The following MCF2L2 variants were observed in gnomAD, a reference collection of about 807,000 sequenced individuals.
MCF2L2 encodes the protein MCF.2 cell line derived transforming sequence-like 2.
In MCF2L2, 102 loss-of-function variants were observed where a neutral mutation model predicts 150.2. The ratio of observed to expected loss-of-function variants is 0.68; its 90% CI spans 0.58 to 0.80. The LOEUF (loss-of-function observed/expected upper bound fraction) is 0.80, where lower values mean the gene tolerates loss of function less well. MCF2L2 is among the 30% of genes least tolerant of loss of function. MCF2L2 has a pLI of 0.00. For missense variants in MCF2L2, 1,256 were observed against 1,372.8 expected (o/e 0.91, Z 1.34); for synonymous variants, 465 against 491.3 (o/e 0.95, Z 0.71).
At chr3:183,269,999 C>T (rs763720390) in intron 15 of MCF2L2, 11 of 1,613,962 alleles carry the variant, frequency 6.8e-6, no homozygotes, top group Non-Finnish European at 7.6e-6. Flanking sequence ...TTAAGCACAC[C>T]TCAGCGGGGC....
At chr3:183,369,441 G>A (rs917188142) in intron 3 of MCF2L2, among the ~76,000 whole-genome samples, 1 of 152,116 alleles carries the variant, frequency 6.6e-6, no homozygotes, top group Non-Finnish European at 1.5e-5. Flanking sequence ...ACATCAGAGG[G>A]CCAAATATTC....
chr3:183,219,436 C>G (rs1336507127), intron 21 of MCF2L2, among the ~76,000 whole-genome samples: 1 of 152,076 alleles, frequency 6.6e-6, no homozygotes, highest in African/African-American at 2.4e-5. Context: ...CATGGCGAAA[C>G]CCCGTCTCTA....
intron 1 of MCF2L2, among the ~76,000 whole-genome samples, chr3:183,399,840 T>G (rs1307366646): frequency 2.6e-5 from 4 of 152,188 alleles, no homozygotes; most frequent in Non-Finnish European, 4.4e-5. Context: ...ACAATCTGAT[T>G]CTCAAATGAA....
chr3:183,404,321 G>C (rs1043520844), intron 1 of MCF2L2, among the ~76,000 whole-genome samples: 12 of 152,118 alleles, frequency 7.9e-5, no homozygotes, highest in Non-Finnish European at 1.8e-4. Context: ...GGCATCACCA[G>C]AAGGCTAATA....
intron 10 of MCF2L2, among the ~76,000 whole-genome samples, chr3:183,301,393 A>G (rs1728839697): frequency 1.3e-5 from 2 of 152,140 alleles, no homozygotes; most frequent in African/African-American, 4.8e-5. Flanking sequence ...GAAAAATTAG[A>G]TGGTGGGGAG....
rs550775544 is a variant in MCF2L2, at chr3:183,353,346, C to T, written c.276-11716G>A. The stretch of plus-strand genomic sequence containing the variant: ...CCGTGCTTTAATAATGAAGGAATCC[C>T]CTTCCACATCCCTGCAAGATGCCCA... On this transcript the variant is annotated intron_variant, in intron 3 of 29. Transcript: ENST00000328913. Among the ~76,000 whole-genome samples the T allele has an allele frequency of 7.2e-5, 11 of 152,252 alleles. No homozygotes were observed. In the South Asian group the frequency reaches 2.1e-3, roughly 29 times the overall value.
intron 1 of MCF2L2, among the ~76,000 whole-genome samples, chr3:183,425,904 G>A (rs1223710257): frequency 1.3e-5 from 2 of 151,310 alleles, no homozygotes; most frequent in Admixed American, 6.6e-5. Flanking sequence ...GCAGTGAGTC[G>A]AGATCACACC....
At chr3:183,340,703 G>C (rs1730661381) in intron 4 of MCF2L2, among the ~76,000 whole-genome samples, 1 of 152,154 alleles carries the variant, frequency 6.6e-6, no homozygotes, top group African/African-American at 2.4e-5. Context: ...AACACTTTGG[G>C]AGGCTGAGGT....
chr3:183,295,352 A>G lies in MCF2L2; in HGVS notation c.1623T>C (p.Pro541=). The change falls in exon 13 of 30, where the codon CCT becomes CCC. Residue 541 remains proline (P), a synonymous_variant. Transcript: ENST00000328913. The part of the protein sequence containing the change: ...TRPVQPVAPH[P]ESSPKWVSSK... The stretch of plus-strand genomic sequence containing the variant: ...ATGACACCCATTTTGGTGAAGACTC[A>G]GGATGTGGGGCCACAGGTTGCACTG... 1 of 1,613,438 alleles carries G rather than the reference A, an allele frequency of 6.2e-7. No individual in the cohort carries two copies. The highest frequency in any genetic ancestry group is 8.5e-7 in the Non-Finnish European group (1 of 1,179,702).
intron 1 of MCF2L2, among the ~76,000 whole-genome samples, chr3:183,404,329 A>G (rs549191201): frequency 8.0e-4 from 122 of 152,360 alleles, no homozygotes; most frequent in African/African-American, 2.8e-3. Context: ...CAGAAGGCTA[A>G]TATTACAGGT....
chr3:183,194,820 C>T (rs933192768), intron 26 of MCF2L2, among the ~76,000 whole-genome samples: 3 of 152,160 alleles, frequency 2.0e-5, no homozygotes, highest in Non-Finnish European at 2.9e-5. Context: ...CTCGCTCTGT[C>T]ACAGAGGCTA....
chr3:183,291,329 C>T (rs925749417), intron 13 of MCF2L2, among the ~76,000 whole-genome samples: 1 of 152,190 alleles, frequency 6.6e-6, no homozygotes, highest in African/African-American at 2.4e-5. Flanking sequence ...TGATTACAGT[C>T]ACCTCTGTAC....
intron 1 of MCF2L2, among the ~76,000 whole-genome samples, chr3:183,398,087 G>A (rs1474228290): frequency 6.6e-6 from 1 of 152,166 alleles, no homozygotes; most frequent in African/African-American, 2.4e-5. Flanking sequence ...CATTGAAGCA[G>A]AGATGGCTAA....
At chr3:183,235,446 C>T (rs1202780213) in intron 15 of MCF2L2, among the ~76,000 whole-genome samples, 2 of 81,786 alleles carry the variant, frequency 2.4e-5, no homozygotes, top group East Asian at 7.0e-4. Context: ...CTCTGATGGC[C>T]AGTGATGATG....
intron 3 of MCF2L2, among the ~76,000 whole-genome samples, chr3:183,368,028 GT>G (rs1712643968): frequency 6.6e-6 from 1 of 152,146 alleles, no homozygotes; most frequent in South Asian, 2.1e-4. Context: ...CAAGCCCTAA[GT>G]TTTTCCTTTA....
In MCF2L2 at chr3:183,207,710, C is replaced by A. The variant is rs1323330459; in HGVS notation, c.2610G>T (p.Arg870Ser). Reference protein sequence around the residue: ...KDLIRFKPSQRQIYLFERGIV... With the variant: ...KDLIRFKPSQSQIYLFERGIV... ...TTCCCCTTTCAAATAGGTAGATTTG[C>A]CTCTGGCTGGGTTTAAATCGAATCA... The change falls in exon 23 of 30, where the codon AGG (arginine) becomes AGT (serine). Residue 870 changes from arginine to serine, a missense_variant. Physicochemically the swap from Arg to Ser is moderately radical, Grantham distance 110 (BLOSUM62 -1). Coordinates refer to ENST00000328913, the MANE Select transcript of MCF2L2 (RefSeq NM_015078.4). 1.9e-6 allele frequency: 3 copies of A among 1,614,150 alleles called. No individual in the cohort carries two copies. Among genetic ancestry groups the A allele is most frequent in the South Asian group, 1.1e-5 (1 of 91,084 alleles).
intron 15 of MCF2L2, chr3:183,271,124 T>C (rs1726738482): frequency 4.1e-6 from 2 of 486,298 alleles, no homozygotes; most frequent in Admixed American, 4.0e-5. Context: ...TTGCCTAAGT[T>C]CATTTCAAAG....
At chr3:183,376,408 AT>A (rs1713190730) in intron 3 of MCF2L2, 1 of 152,224 alleles carries the variant, frequency 6.6e-6, no homozygotes, top group Admixed American at 6.5e-5. Flanking sequence ...CACTCCTCCT[AT>A]TGTCTACATC....
chr3:183,216,931 A>G (rs1722965457), intron 21 of MCF2L2, among the ~76,000 whole-genome samples: 2 of 151,572 alleles, frequency 1.3e-5, no homozygotes. Flanking sequence ...AAAGCATGGA[A>G]AAACCTAGCT....
Sources: allele counts gnomAD v4.1 joint callset (sites outside exome capture counted in the v4.1 genomes callset), GRCh38; gene constraint gnomAD v4.1.1; transcripts MANE v1.5; gene names NCBI Gene and HGNC (gene_info 2026-07-23, HGNC 2026-07-21).